CFAP54: variants seen among roughly 807,000 people sequenced by gnomAD.
The protein encoded by CFAP54 is cilia and flagella associated protein 54.
Under a neutral mutation model 370.4 loss-of-function variants are expected in CFAP54, and 290 were observed. The observed-to-expected ratio is 0.78, with a 90% CI of 0.71 to 0.86. The LOEUF (loss-of-function observed/expected upper bound fraction) is 0.86, where lower values mean the gene tolerates loss of function less well. CFAP54 is among the 40% of genes least tolerant of loss of function. The probability of loss-of-function intolerance (pLI) is 0.00; values close to 1 mark genes in which losing one functional copy is unlikely to be tolerated. For missense variants in CFAP54, 3,399 were observed against 3,528.7 expected (o/e 0.96, Z 0.93); for synonymous variants, 1,206 against 1,236.5 (o/e 0.98, Z 0.52).
chr12:96,825,764 G>A (rs1296361379), intron 65 of CFAP54, among the ~76,000 whole-genome samples: 1 of 124,432 alleles, frequency 8.0e-6, no homozygotes, highest in African/African-American at 3.2e-5. Flanking sequence ...TATGTATCAT[G>A]ATATATATTA....
intron 5 of CFAP54, among the ~76,000 whole-genome samples, chr12:96,515,688 G>A (rs752500288): frequency 2.2e-4 from 34 of 152,008 alleles, no homozygotes; most frequent in Admixed American, 1.6e-3. Context: ...CTAAACTCCC[G>A]TTTTTATAGG....
intron 63 of CFAP54, among the ~76,000 whole-genome samples, chr12:96,808,218 T>G (rs1958900492): frequency 6.6e-6 from 1 of 152,144 alleles, no homozygotes; most frequent in Non-Finnish European, 1.5e-5. Context: ...TCCATTGTTT[T>G]TCTTCTTCAG....
intron 63 of CFAP54, among the ~76,000 whole-genome samples, chr12:96,802,383 G>T (rs1468630296): frequency 6.6e-6 from 1 of 152,122 alleles, no homozygotes; most frequent in Non-Finnish European, 1.5e-5. Context: ...GGCCCACCCA[G>T]CTAAGGGAGG....
chr12:96,579,274 A>ATCAGTTGTGCATATC (rs1956009126), intron 20 of CFAP54, among the ~76,000 whole-genome samples: 1 of 151,778 alleles, frequency 6.6e-6, no homozygotes, highest in Non-Finnish European at 1.5e-5. Context: ...GTGCTTTTTA[A>ATCAGTTGTGCATATC]TCAGTTGTGC....
intron 62 of CFAP54, among the ~76,000 whole-genome samples, chr12:96,791,184 C>CTT (rs369132463): frequency 2.0e-4 from 26 of 131,414 alleles, no homozygotes; most frequent in African/African-American, 2.5e-4. Context: ...TTGAAGAACG[C>CTT]TTTTTTTTTT....
At chr12:96,798,993 C>T (rs560863362) in intron 63 of CFAP54, among the ~76,000 whole-genome samples, 2 of 152,134 alleles carry the variant, frequency 1.3e-5, no homozygotes, top group Admixed American at 6.5e-5. Context: ...ATATTTGTAT[C>T]GTAGATATAA....
At chr12:96,846,631 A>G (rs1959355019) in intron 66 of CFAP54, among the ~76,000 whole-genome samples, 1 of 152,162 alleles carries the variant, frequency 6.6e-6, no homozygotes, top group Admixed American at 6.5e-5. Context: ...GTCGTATAGA[A>G]TGGTTTTCTT....
chr12:96,502,143 C>T (rs1044721578), intron 2 of CFAP54, among the ~76,000 whole-genome samples: 1 of 151,892 alleles, frequency 6.6e-6, no homozygotes, highest in Non-Finnish European at 1.5e-5. Context: ...GCTGATAAAG[C>T]AAGTTAAAGA....
At chr12:96,603,926 T>C (rs1956272077) in intron 26 of CFAP54, among the ~76,000 whole-genome samples, 1 of 152,190 alleles carries the variant, frequency 6.6e-6, no homozygotes. Flanking sequence ...TGGAGAAGTT[T>C]GTTATTACTG....
chr12:96,682,399 A>G, intron 40 of CFAP54: 1 of 780,280 alleles, frequency 1.3e-6, no homozygotes, highest in South Asian at 5.9e-5. Flanking sequence ...ACGAGGTCTC[A>G]TTTTGTCATC....
intron 65 of CFAP54, among the ~76,000 whole-genome samples, chr12:96,828,611 A>C (rs572120848): frequency 6.6e-6 from 1 of 152,204 alleles, no homozygotes; most frequent in East Asian, 1.9e-4. Context: ...GGCTGCATCC[A>C]TGCAGCAGGG....
chr12:96,600,938 G>T (rs1307280197), intron 26 of CFAP54, among the ~76,000 whole-genome samples: 1 of 152,106 alleles, frequency 6.6e-6, no homozygotes, highest in Non-Finnish European at 1.5e-5. Flanking sequence ...TTTCCTAATT[G>T]AATACCCTTT....
chr12:96,517,904 G>A (rs77865813), intron 5 of CFAP54, among the ~76,000 whole-genome samples: 13,998 of 152,240 alleles, frequency 0.092, 797 homozygotes, highest in Middle Eastern at 0.16. Context: ...CTACATAAAT[G>A]TTTTTAGATT....
At chr12:96,804,611 G>A (rs1357052216) in intron 63 of CFAP54, among the ~76,000 whole-genome samples, 1 of 152,048 alleles carries the variant, frequency 6.6e-6, no homozygotes, top group Non-Finnish European at 1.5e-5. Context: ...ATGAAAGAAA[G>A]TGTAGATGAC....
chr12:96,658,244 G>T lies in CFAP54; in HGVS notation c.5358G>T (p.Leu1786=). The T allele has an allele frequency of 6.2e-7, 1 of 1,614,024 alleles. No homozygotes were observed. Among genetic ancestry groups the T allele is most frequent in the South Asian group, 1.1e-5 (1 of 91,080 alleles). The change falls in exon 38 of 68, where the codon CTG becomes CTT. Residue 1786 remains leucine (L), a synonymous_variant. Transcript: ENST00000524981. ...ERYTEQVTPL[L]VYAQRQLLLR... is the part of the protein sequence containing the mutation. Reference sequence around the variant, plus strand: ...ATACAGAACAAGTGACACCACTTCTGGTGTATGCACAGCGCCAGCTTCTGC... The same window carrying T: ...ATACAGAACAAGTGACACCACTTCTTGTGTATGCACAGCGCCAGCTTCTGC...
rs929802598 is a variant in CFAP54, at chr12:96,871,703, T to C, written c.*15-3415T>C. Among the ~76,000 whole-genome samples, 9 of 152,064 alleles carry C rather than the reference T, an allele frequency of 5.9e-5. No homozygotes were observed. In the East Asian group the frequency reaches 7.7e-4, roughly 13 times the overall value. ...GAGATGGGGGATATCAGGATACATATGGAAATGGAAAAAGAACCAAATGGA... is the reference window on the plus strand; with the variant it reads ...GAGATGGGGGATATCAGGATACATACGGAAATGGAAAAAGAACCAAATGGA... On this transcript the variant is annotated intron_variant, in intron 67 of 67. Transcript: ENST00000524981.
rs566588157 is a variant in CFAP54, at chr12:96,764,937, T to C, written c.8140-140T>C. Reference sequence around the variant, plus strand: ...CATATCAGGGATCACATATTATTTTTTCAGGTTGTCTTTATTTTTTCCTCC... The same window carrying C: ...CATATCAGGGATCACATATTATTTTCTCAGGTTGTCTTTATTTTTTCCTCC... On this transcript the variant is annotated intron_variant, in intron 59 of 67. Transcript: ENST00000524981. 5.4e-5 allele frequency: 30 copies of C among 555,254 alleles called. No homozygotes were observed. The South Asian group carries it at 2.1e-3, about 40-fold the overall frequency. The allele number at this position is 555,254 out of a possible 1,614,324, so 34.4% of individuals were successfully genotyped here.
At position 96,691,168 on chromosome 12, in the gene CFAP54, G is replaced by A. The variant is rs1000427407; in HGVS notation, c.6122G>A (p.Arg2041His). The A allele has an allele frequency of 2.0e-5, 33 of 1,613,282 alleles. No homozygotes were observed. Among genetic ancestry groups the A allele is most frequent in the Admixed American group, 1.8e-4 (11 of 59,942 alleles). Residue 2041 changes from arginine (R) to histidine (H), a missense_variant, in exon 44 of 68, where the codon CGT becomes CAT. Arg to His is a conservative substitution (Grantham distance 29, BLOSUM62 0). Around this residue, in one of 3 missense-constraint regions of CFAP54, gnomAD observed 2,796 missense variants for 2,869.7 expected, o/e 0.97. Transcript: ENST00000524981. The part of the protein sequence containing the change: ...RTTLPHPKAE[R>H]CYAQYEITQL... ...ACACTTCCACATCCCAAAGCTGAAC[G>A]TTGCTATGCTCAATATGAAATCACT... is the stretch of plus-strand genomic sequence containing the variant.
chr12:96,493,642 C>T (rs1047470236), intron 1 of CFAP54, among the ~76,000 whole-genome samples: 2 of 151,890 alleles, frequency 1.3e-5, no homozygotes, highest in African/African-American at 4.8e-5. Context: ...ACTAAAAATA[C>T]AAAAAATTAG....
Sources: allele counts gnomAD v4.1 joint callset (sites outside exome capture counted in the v4.1 genomes callset), GRCh38; gene constraint gnomAD v4.1.1; regional missense constraint gnomAD v4.1.1; transcripts MANE v1.5; gene names NCBI Gene and HGNC (gene_info 2026-07-23, HGNC 2026-07-21).